The following SCN7A variants were observed in gnomAD, a reference collection of about 807,000 sequenced individuals.
The protein encoded by SCN7A is sodium channel protein type 7 subunit alpha.
Under a neutral mutation model 155.2 loss-of-function variants are expected in SCN7A, and 138 were observed. The observed-to-expected ratio is 0.89, with a 90% confidence interval of 0.77 to 1.02. SCN7A has a LOEUF of 1.02. Among genes scored for constraint, SCN7A ranks in the 50% least tolerant of loss-of-function variants. The pLI is 0.00. For synonymous variants in SCN7A, 693 were observed against 649.0 expected, an observed-to-expected ratio of 1.07 and a Z score of -1.03; for missense variants, 2,058 against 1,986.6, an observed-to-expected ratio of 1.04 and a Z score of -0.68.
chr2:166,467,483 G>A (rs1702560617), intron 7 of SCN7A, among the ~76,000 whole-genome samples: 1 of 116,618 alleles, frequency 8.6e-6, no homozygotes, highest in Non-Finnish European at 1.7e-5. Flanking sequence ...TTTTATATAT[G>A]TTTATATATA....
chr2:166,458,171 C>CAA (rs567047438), intron 10 of SCN7A, among the ~76,000 whole-genome samples: 6 of 151,022 alleles, frequency 4.0e-5, no homozygotes, highest in African/African-American at 1.5e-4. Flanking sequence ...ACTAAAAATA[C>CAA]AAAAAAAATA....
In SCN7A at chr2:166,411,633, T is replaced by C. The variant is rs562028487; in HGVS notation, c.3606+897A>G. On this transcript the variant is annotated intron_variant, in intron 23 of 25. Transcript: ENST00000643258. ...AATAAATGTATGCTTGATTTGCTGT[T>C]GTACTTCAAACTGCAAATGGCCACA... Among the ~76,000 whole-genome samples, 34 of 152,170 alleles carry C rather than the reference T, an allele frequency of 2.2e-4. 1 individual carries two copies. The South Asian group carries it at 7.1e-3, about 32-fold the overall frequency.
intron 16 of SCN7A, among the ~76,000 whole-genome samples, chr2:166,430,068 A>G (rs1701702464): frequency 1.3e-5 from 2 of 152,078 alleles, no homozygotes; most frequent in Admixed American, 1.3e-4. Context: ...ATAGCATATA[A>G]GTAATATTTT....
At chr2:166,448,964 C>A (rs980485938) in intron 11 of SCN7A, among the ~76,000 whole-genome samples, 2 of 152,052 alleles carry the variant, frequency 1.3e-5, no homozygotes, top group African/African-American at 2.4e-5. Flanking sequence ...CTTAGATAGA[C>A]CATGTATGAT....
At chr2:166,454,250 C>T (rs893257111) in intron 11 of SCN7A, among the ~76,000 whole-genome samples, 3 of 152,150 alleles carry the variant, frequency 2.0e-5, no homozygotes, top group African/African-American at 4.8e-5. Context: ...TGAAGGACCC[C>T]GGACTCATTT....
Position 166,406,055 on chromosome 2 carries a change from A to T in SCN7A, c.4574T>A (p.Phe1525Tyr), listed in dbSNP as rs747377992. ...FRKFFQVWKR[F>Y]DPDRTQYIDS... ...TATGTACTGGGTCCTATCAGGATCA[A>T]ACCTTTTCCATACCTGAAAGAATTT... The change falls in exon 26 of 26, where the codon TTT (phenylalanine) becomes TAT (tyrosine). Residue 1525 changes from phenylalanine to tyrosine, a missense_variant. Transcript: ENST00000643258. The T allele has an allele frequency of 3.1e-6, 5 of 1,612,874 alleles. No individual in the cohort carries two copies. Among genetic ancestry groups the T allele is most frequent in the Non-Finnish European group, 3.4e-6 (4 of 1,179,330 alleles).
chr2:166,474,389 T>C, intron 3 of SCN7A, 45 bp from the exon 4 acceptor site: 1 of 809,692 alleles, frequency 1.2e-6, no homozygotes. Context: ...CTCAGAACCA[T>C]AATCTCATCA....
intron 1 of SCN7A, among the ~76,000 whole-genome samples, chr2:166,490,551 G>T (rs535252165): frequency 6.6e-6 from 1 of 152,238 alleles, no homozygotes; most frequent in African/African-American, 2.4e-5. Context: ...CATATGAATA[G>T]ATAAAGAAAA....
intron 11 of SCN7A, among the ~76,000 whole-genome samples, chr2:166,456,639 T>C (rs939728070): frequency 2.6e-5 from 4 of 152,008 alleles, no homozygotes; most frequent in Non-Finnish European, 5.9e-5. Context: ...CACTGGACAA[T>C]AACAAATGTT....
At position 166,434,037 on chromosome 2, in the gene SCN7A, CTATT is replaced by C. The variant is rs1261794171; in HGVS notation, c.2158-1289_2158-1286del. On this transcript the variant is annotated intron_variant, in intron 15 of 25. Coordinates refer to ENST00000643258, the MANE Select transcript of SCN7A (RefSeq NM_002976.4). ...TTATAGTTTTGGATAATTAGGCTGA[CTATT>C]TGTGTGTACATAAAATAAGTATGTG... 5.4e-5 allele frequency among the ~76,000 whole-genome samples: 8 copies of C among 148,130 alleles called. No homozygotes were observed. The East Asian group carries it at 1.5e-3, about 28-fold the overall frequency.
At chr2:166,423,540 A>T (rs1701557899) in intron 18 of SCN7A, 108 bp from the exon 19 acceptor site, 1 of 1,221,768 alleles carries the variant, frequency 8.2e-7, no homozygotes, top group Non-Finnish European at 1.1e-6. Context: ...TATGGTGAGC[A>T]CTGTCAGAGA....
At chr2:166,445,437 T>C (rs770407358) in intron 12 of SCN7A, among the ~76,000 whole-genome samples, 20 of 152,148 alleles carry the variant, frequency 1.3e-4, no homozygotes, top group Non-Finnish European at 2.6e-4. Context: ...AACGAACTAA[T>C]AGACAATTTT....
intron 23 of SCN7A, among the ~76,000 whole-genome samples, chr2:166,411,416 T>C (rs1254192363): frequency 6.6e-6 from 1 of 151,818 alleles, no homozygotes; most frequent in Non-Finnish European, 1.5e-5. Flanking sequence ...ATCCTTATTA[T>C]AATTAATAAT....
intron 21 of SCN7A, chr2:166,414,711 C>T (rs1442093734): frequency 2.7e-5 from 3 of 111,460 alleles, no homozygotes; most frequent in African/African-American, 3.6e-5. Context: ...CTTACTTCAC[C>T]TCTGCCACTA....
chr2:166,409,862 C>T lies in SCN7A; in HGVS notation c.3785G>A (p.Cys1262Tyr). Residue 1262 changes from cysteine to tyrosine, a missense_variant, in exon 25 of 26, where the codon TGT (cysteine) becomes TAT (tyrosine). Coordinates refer to ENST00000643258, the MANE Select transcript of SCN7A (RefSeq NM_002976.4). ...TATCATCATGGCTATTGCTTGGAAACATATAAGAACCATAACAATGACATT... is the reference window on the plus strand; with the variant it reads ...TATCATCATGGCTATTGCTTGGAAATATATAAGAACCATAACAATGACATT... ...AFNVIVMVLI[C>Y]FQAIAMMIDT... 1.3e-6 allele frequency: 2 copies of T among 1,569,230 alleles called. No homozygotes were observed. The highest frequency in any genetic ancestry group is 1.7e-6 in the Non-Finnish European group (2 of 1,155,026).
Position 166,473,855 on chromosome 2 carries a change from C to A in SCN7A, c.387G>T (p.Leu129=). The A allele has an allele frequency of 6.4e-7, 1 of 1,567,530 alleles. No individual in the cohort carries two copies. The highest frequency in any genetic ancestry group is 1.4e-5 in the African/African-American group (1 of 73,554). ...FFQLFILISV[L]IDCVFMSLTN... is the part of the protein sequence containing the mutation. ...TCAGGGACATGAATACGCAATCAAT[C>A]AGGACACTAATTAGAATAAACAGTT... The change falls in exon 5 of 26, where the codon CTG becomes CTT. Residue 129 remains leucine, a synonymous_variant. Transcript: ENST00000643258.
intron 11 of SCN7A, among the ~76,000 whole-genome samples, chr2:166,450,056 G>A (rs755729137): frequency 5.3e-5 from 8 of 152,074 alleles, no homozygotes; most frequent in Non-Finnish European, 7.4e-5. Flanking sequence ...AAGGACAAGG[G>A]ATCAATCCAG....
intron 2 of SCN7A, among the ~76,000 whole-genome samples, chr2:166,486,401 A>G (rs759578348): frequency 9.2e-5 from 14 of 152,158 alleles, no homozygotes; most frequent in Non-Finnish European, 1.8e-4. Flanking sequence ...ACCTTCAACA[A>G]TGTACCAGAC....
chr2:166,412,479 G>A lies in SCN7A; in HGVS notation c.3606+51C>T, dbSNP rs59437944. The A allele has an allele frequency of 4.2e-3, 5,591 of 1,343,622 alleles. 280 individuals carry two copies. The East Asian group carries it at 0.12, about 30-fold the overall frequency. 83.2% of individuals were successfully genotyped at this position (1,343,622 alleles called of 1,614,324 possible). On this transcript the variant is annotated intron_variant, in intron 23 of 25. Transcript: ENST00000643258. ...AAGCAGGGCATTTATATATTTATGT[G>A]TATGCCTGATTTTCTCAGACATTGG...
Sources: allele counts gnomAD v4.1 joint callset (sites outside exome capture counted in the v4.1 genomes callset), GRCh38; gene constraint gnomAD v4.1.1; transcripts MANE v1.5; gene names NCBI Gene and HGNC (gene_info 2026-07-23, HGNC 2026-07-21).